The following RCHY1 variants were observed in gnomAD, a reference collection of about 807,000 sequenced individuals.
RCHY1 encodes the protein ring finger and CHY zinc finger domain containing 1.
In RCHY1, 21 loss-of-function variants were observed where a neutral mutation model predicts 41.6. The ratio of observed to expected loss-of-function variants is 0.51; its 90% CI spans 0.36 to 0.73. The LOEUF is 0.73. RCHY1 is among the 30% of genes least tolerant of loss of function. RCHY1 has a pLI of 0.00. For missense variants in RCHY1, 265 were observed against 325.3 expected, an observed-to-expected ratio of 0.81 and a Z score of 1.43; for synonymous variants, 79 against 102.9, an observed-to-expected ratio of 0.77 and a Z score of 1.41.
chr4:75,503,188 C>T (rs1400728373), intron 3 of RCHY1, among the ~76,000 whole-genome samples: 1 of 152,166 alleles, frequency 6.6e-6, no homozygotes, highest in Non-Finnish European at 1.5e-5. Context: ...ACCCCTCACT[C>T]CCTGGTTACA....
chr4:75,502,148 T>A (rs1203777016), intron 3 of RCHY1, among the ~76,000 whole-genome samples: 1 of 152,190 alleles, frequency 6.6e-6, no homozygotes, highest in Non-Finnish European at 1.5e-5. Flanking sequence ...GCAAAAGCCT[T>A]TTTATACAAT....
intron 5 of RCHY1, 21 bp downstream of exon 5, chr4:75,491,868 T>C (rs759771052): frequency 1.7e-5 from 28 of 1,606,660 alleles, no homozygotes; most frequent in African/African-American, 4.0e-5. Flanking sequence ...ACTTCCAAAG[T>C]AAAAAATATT....
chr4:75,503,718 G>A (rs552882598), intron 3 of RCHY1, among the ~76,000 whole-genome samples: 113 of 151,674 alleles, frequency 7.5e-4, no homozygotes, highest in Middle Eastern at 6.8e-3. Flanking sequence ...AAAAAAAAAA[G>A]AAAATATGGT....
chr4:75,514,117 C>T (rs767151434), intron 1 of RCHY1, 80 bp downstream of exon 1: 1 of 1,545,906 alleles, frequency 6.5e-7, no homozygotes, highest in Non-Finnish European at 8.8e-7. Flanking sequence ...AAACTTAAAT[C>T]CAAGCCTAAC....
chr4:75,495,018 T>A (rs775966363), intron 3 of RCHY1, among the ~76,000 whole-genome samples: 3 of 152,020 alleles, frequency 2.0e-5, no homozygotes, highest in Non-Finnish European at 4.4e-5. Flanking sequence ...ACCAATTTAC[T>A]GGTAAAAAAT....
At position 75,512,439 on chromosome 4, in the gene RCHY1, A is replaced by G. The variant is rs77511580; in HGVS notation, c.90+1758T>C. On this transcript the variant is annotated intron_variant, in intron 1 of 8. Coordinates refer to ENST00000324439, the MANE Select transcript of RCHY1 (RefSeq NM_015436.4). ...TTCCCTTAGGAAGAACTGACAGTCTATGTTTCTAAGGCCAACTCCTTCACT... is the reference window on the plus strand; with the variant it reads ...TTCCCTTAGGAAGAACTGACAGTCTGTGTTTCTAAGGCCAACTCCTTCACT... 1.7e-4 allele frequency among the ~76,000 whole-genome samples: 26 copies of G among 152,266 alleles called. No homozygotes were observed. The East Asian group carries it at 5.0e-3, about 29-fold the overall frequency.
At chr4:75,497,715 G>A (rs376527201) in intron 3 of RCHY1, among the ~76,000 whole-genome samples, 2 of 151,622 alleles carry the variant, frequency 1.3e-5, no homozygotes, top group East Asian at 1.9e-4. Context: ...GAGGAGGACC[G>A]AAAAAACATC....
intron 1 of RCHY1, among the ~76,000 whole-genome samples, chr4:75,511,257 G>C (rs1223987512): frequency 6.6e-6 from 1 of 152,072 alleles, no homozygotes; most frequent in Non-Finnish European, 1.5e-5. Context: ...AAAGTCTTTA[G>C]GTATTGAAGA....
intron 3 of RCHY1, among the ~76,000 whole-genome samples, chr4:75,499,032 C>T (rs1165735548): frequency 6.6e-6 from 1 of 152,050 alleles, no homozygotes; most frequent in East Asian, 1.9e-4. Flanking sequence ...GCAAACTATC[C>T]ACCTGACAAG....
At chr4:75,501,389 A>C (rs527976412) in intron 3 of RCHY1, among the ~76,000 whole-genome samples, 1 of 152,376 alleles carries the variant, frequency 6.6e-6, no homozygotes, top group East Asian at 1.9e-4. Flanking sequence ...GTATTTGTCA[A>C]ACTTAATAGA....
Position 75,490,621 on chromosome 4 carries a change from T to C in RCHY1, c.617A>G (p.Gln206Arg). 1 of 1,612,750 alleles carries C rather than the reference T, an allele frequency of 6.2e-7. No individual in the cohort carries two copies. The highest frequency in any genetic ancestry group is 8.5e-7 in the Non-Finnish European group (1 of 1,178,944). The change falls in exon 8 of 9, where the codon CAG becomes CGG. Residue 206 changes from glutamine (Q) to arginine (R), a missense_variant. Physicochemically the swap from Gln to Arg is conservative, Grantham distance 43. Coordinates refer to ENST00000324439, the MANE Select transcript of RCHY1 (RefSeq NM_015436.4). ...CTGATATTCTGATGGCATAGGAGTC[T>C]GTGCTACTTCATCATCCAGCTGTCT... The part of the protein sequence containing the change: ...YWRQLDDEVA[Q>R]TPMPSEYQNM...
At chr4:75,498,187 T>C (rs1027800951) in intron 3 of RCHY1, among the ~76,000 whole-genome samples, 12 of 148,326 alleles carry the variant, frequency 8.1e-5, no homozygotes, top group African/African-American at 3.0e-4. Flanking sequence ...CAAAGATAGA[T>C]ACTATTACGA....
chr4:75,487,617 T>TATATATTC lies in RCHY1; in HGVS notation c.657+2963_657+2964insGAATATAT, dbSNP rs1553917583. 3.7e-3 allele frequency among the ~76,000 whole-genome samples: 86 copies of TATATATTC among 22,944 alleles called. 4 individuals carry two copies. The highest frequency in any genetic ancestry group is 4.1e-3 in the African/African-American group (18 of 4,370). The allele number at this position is 22,944 out of a possible 152,430, so 15.1% of individuals were successfully genotyped here. ...AATATATATTCATATATATTCATAA[T>TATATATTC]ATATATATTCATAATATATATATTC... On this transcript the variant is annotated intron_variant, in intron 8 of 8. Coordinates refer to ENST00000324439, the MANE Select transcript of RCHY1 (RefSeq NM_015436.4).
chr4:75,493,568 C>T (rs1230060966), intron 4 of RCHY1, among the ~76,000 whole-genome samples: 1 of 151,732 alleles, frequency 6.6e-6, no homozygotes, highest in Non-Finnish European at 1.5e-5. Context: ...TTACACCAAT[C>T]CTCCATTCTC....
intron 7 of RCHY1, chr4:75,491,180 T>C (rs1722715245): frequency 6.2e-6 from 1 of 160,162 alleles, no homozygotes; most frequent in Admixed American, 6.4e-5. Flanking sequence ...TATTTTCATC[T>C]AATTTTAATA....
chr4:75,507,056 CA>C (rs1030854485), intron 3 of RCHY1, among the ~76,000 whole-genome samples: 2 of 150,234 alleles, frequency 1.3e-5, no homozygotes, highest in East Asian at 2.0e-4. Context: ...AAAATGGAGG[CA>C]AAAAAAAGAC....
At chr4:75,492,725 T>C (rs547555293) in intron 4 of RCHY1, among the ~76,000 whole-genome samples, 3 of 151,500 alleles carry the variant, frequency 2.0e-5, no homozygotes, top group South Asian at 2.1e-4. Flanking sequence ...AACAAAAAAA[T>C]AGATGTAAGT....
intron 4 of RCHY1, among the ~76,000 whole-genome samples, chr4:75,493,077 C>CTAT (rs991472807): frequency 6.6e-6 from 1 of 151,982 alleles, no homozygotes. Context: ...GAAACCAGAA[C>CTAT]ATCATAGAAA....
chr4:75,484,885 G>T (rs572351221), intron 8 of RCHY1, among the ~76,000 whole-genome samples: 1 of 151,442 alleles, frequency 6.6e-6, no homozygotes. Context: ...AAAAAAAAAA[G>T]TGCATTTGAA....
Sources: allele counts gnomAD v4.1 joint callset (sites outside exome capture counted in the v4.1 genomes callset), GRCh38; gene constraint gnomAD v4.1.1; transcripts MANE v1.5; gene names NCBI Gene and HGNC (gene_info 2026-07-23, HGNC 2026-07-21).